NMNAT2: variants seen among roughly 807,000 people sequenced by gnomAD.
NMNAT2 encodes the protein nicotinamide nucleotide adenylyltransferase 2.
NMNAT2 carries 11 observed loss-of-function variants against 41.6 expected under a neutral mutation model. The ratio of observed to expected loss-of-function variants is 0.26; its 90% CI spans 0.17 to 0.44. The LOEUF (loss-of-function observed/expected upper bound fraction) is 0.44, where lower values mean the gene tolerates loss of function less well. NMNAT2 is among the 20% of genes least tolerant of loss of function. The pLI, the probability that NMNAT2 is intolerant of heterozygous loss-of-function variation, is 1.00. For missense variants in NMNAT2, 288 were observed against 407.7 expected (o/e 0.71, Z 2.53); for synonymous variants, 148 against 151.2 (o/e 0.98, Z 0.16).
intron 10 of NMNAT2, among the ~76,000 whole-genome samples, chr1:183,255,650 T>TG (rs1335462828): frequency 1.5e-5 from 2 of 137,680 alleles, no homozygotes; most frequent in African/African-American, 6.5e-5. Context: ...TTTGTTAAAT[T>TG]TATTCCTAAG....
chr1:183,391,541 T>C (rs1481530277), intron 1 of NMNAT2, among the ~76,000 whole-genome samples: 1 of 150,264 alleles, frequency 6.7e-6, no homozygotes, highest in East Asian at 2.0e-4. Context: ...TAAAAAAAAA[T>C]AAGCAAAAAA....
At chr1:183,373,564 G>C (rs971308192) in intron 1 of NMNAT2, among the ~76,000 whole-genome samples, 5 of 151,968 alleles carry the variant, frequency 3.3e-5, no homozygotes, top group African/African-American at 1.2e-4. Context: ...CACAGCAAGG[G>C]TCTGCACTTA....
chr1:183,248,898 G>GTA lies in NMNAT2; in HGVS notation c.*3742_*3743insTA, dbSNP rs1660298683. 7.0e-6 allele frequency: 1 copy of GTA among 143,168 alleles called. No individual in the cohort carries two copies. The highest frequency in any genetic ancestry group is 2.2e-4 in the South Asian group (1 of 4,616). The allele number at this position is 143,168 out of a possible 1,614,324, so 8.9% of individuals were successfully genotyped here. ...CTCTTAGTCCCCTAAAAGAGTGTGT[G>GTA]TGTGTGTGTGTGTGTGTGTGTGTGT... On this transcript the variant is annotated 3_prime_UTR_variant, in exon 11 of 11. Coordinates refer to ENST00000287713, the MANE Select transcript of NMNAT2 (RefSeq NM_015039.4).
intron 1 of NMNAT2, among the ~76,000 whole-genome samples, chr1:183,357,110 G>A (rs1396070408): frequency 1.3e-5 from 2 of 151,852 alleles, no homozygotes; most frequent in Admixed American, 1.3e-4. Context: ...GGGGCAGAAT[G>A]TGGAGAACGT....
At chr1:183,259,789 C>T (rs1320381430) in intron 10 of NMNAT2, among the ~76,000 whole-genome samples, 2 of 152,008 alleles carry the variant, frequency 1.3e-5, no homozygotes, top group Non-Finnish European at 2.9e-5. Flanking sequence ...TTAGTGGAGA[C>T]GGGGTTTCAC....
At chr1:183,375,425 G>A (rs968111595) in intron 1 of NMNAT2, among the ~76,000 whole-genome samples, 7 of 152,056 alleles carry the variant, frequency 4.6e-5, no homozygotes, top group African/African-American at 1.7e-4. Context: ...TATTTCCTGA[G>A]CCTGACTTGC....
chr1:183,387,147 T>C (rs1648270549), intron 1 of NMNAT2, among the ~76,000 whole-genome samples: 9 of 151,046 alleles, frequency 6.0e-5, no homozygotes, highest in Admixed American at 5.9e-4. Context: ...TAATTCTAAA[T>C]CTGTATAAGT....
At chr1:183,417,661 G>A (rs2101935888) in intron 1 of NMNAT2, among the ~76,000 whole-genome samples, 1 of 152,314 alleles carries the variant, frequency 6.6e-6, no homozygotes, top group East Asian at 1.9e-4. Context: ...AGCCAAATCC[G>A]AAATTAATCT....
intron 1 of NMNAT2, among the ~76,000 whole-genome samples, chr1:183,397,768 A>G (rs1648691683): frequency 1.3e-5 from 2 of 152,214 alleles, no homozygotes; most frequent in South Asian, 4.1e-4. Context: ...ACATTTTTAA[A>G]GAAAAGAATT....
chr1:183,382,362 A>T lies in NMNAT2; in HGVS notation c.85+35821T>A, dbSNP rs148120351. Among the ~76,000 whole-genome samples, 19 of 152,286 alleles carry T rather than the reference A, an allele frequency of 1.2e-4. No homozygotes were observed. In the East Asian group the frequency reaches 3.5e-3, roughly 28 times the overall value. On this transcript the variant is annotated intron_variant, in intron 1 of 10. Transcript: ENST00000287713. ...AACATGAGATTTGGGCAGGGACACA[A>T]ATCCAAACCATATCTTTTCCACCCC...
intron 1 of NMNAT2, among the ~76,000 whole-genome samples, chr1:183,323,345 C>G (rs781570881): frequency 1.3e-5 from 2 of 152,176 alleles, no homozygotes; most frequent in Non-Finnish European, 2.9e-5. Context: ...AGGGAGTTAT[C>G]CTTGCTTCCT....
intron 1 of NMNAT2, among the ~76,000 whole-genome samples, chr1:183,339,136 C>T (rs1439194159): frequency 3.3e-5 from 5 of 152,018 alleles, no homozygotes; most frequent in East Asian, 1.9e-4. Flanking sequence ...CTCGCTCTGT[C>T]GCCCAGGCTG....
intron 8 of NMNAT2, among the ~76,000 whole-genome samples, chr1:183,276,038 T>C (rs1661117359): frequency 6.6e-6 from 1 of 152,180 alleles, no homozygotes; most frequent in Admixed American, 6.5e-5. Context: ...GATCTTGCTA[T>C]TGGTTCATTA....
chr1:183,346,668 CCTT>C (rs1202462385), intron 1 of NMNAT2, among the ~76,000 whole-genome samples: 2 of 152,174 alleles, frequency 1.3e-5, no homozygotes, highest in African/African-American at 4.8e-5. Context: ...AAACGACCAA[CCTT>C]CTTTTTGTTT....
chr1:183,249,288 A>T lies in NMNAT2; in HGVS notation c.*3353T>A, dbSNP rs1333635740. ...TGACTGAGGTACCCACTAGCAGCAC[A>T]GCCCTCCCAGAGGACCATTCCTTAA... is the stretch of plus-strand genomic sequence containing the variant. On this transcript the variant is annotated 3_prime_UTR_variant, in exon 11 of 11. Transcript: ENST00000287713. 1 of 152,234 alleles carries T rather than the reference A, an allele frequency of 6.6e-6. No individual in the cohort carries two copies. Among genetic ancestry groups the T allele is most frequent in the African/African-American group, 2.4e-5 (1 of 41,466 alleles). The allele number at this position is 152,234 out of a possible 1,614,324, so 9.4% of individuals were successfully genotyped here. A position where few individuals can be genotyped will look rare whatever the true frequency, so the allele number is the denominator to read the frequency against.
At chr1:183,382,190 G>C (rs1036423499) in intron 1 of NMNAT2, among the ~76,000 whole-genome samples, 2 of 152,128 alleles carry the variant, frequency 1.3e-5, no homozygotes, top group African/African-American at 4.8e-5. Context: ...AGCAGGAGAA[G>C]GAGAGCAAAG....
intron 7 of NMNAT2, among the ~76,000 whole-genome samples, chr1:183,282,128 G>A (rs148868609): frequency 2.8e-3 from 422 of 152,280 alleles, no homozygotes; most frequent in Non-Finnish European, 4.9e-3. Context: ...GTCCTTTCTC[G>A]GAACCTAAGT....
chr1:183,340,651 C>G (rs1215266735), intron 1 of NMNAT2, among the ~76,000 whole-genome samples: 1 of 152,164 alleles, frequency 6.6e-6, no homozygotes, highest in East Asian at 1.9e-4. Flanking sequence ...CGATGGACAG[C>G]AGACTGGGAA....
At chr1:183,258,638 G>A (rs899392157) in intron 10 of NMNAT2, among the ~76,000 whole-genome samples, 3 of 152,184 alleles carry the variant, frequency 2.0e-5, no homozygotes, top group East Asian at 3.9e-4. Context: ...TAGAAATTAC[G>A]GTTTAGGAGT....
Sources: allele counts gnomAD v4.1 joint callset (sites outside exome capture counted in the v4.1 genomes callset), GRCh38; gene constraint gnomAD v4.1.1; transcripts MANE v1.5; gene names NCBI Gene and HGNC (gene_info 2026-07-23, HGNC 2026-07-21).